The following TMEM242 variants were observed in gnomAD, a reference collection of about 807,000 sequenced individuals.
The protein encoded by TMEM242 is UPF0463 transmembrane protein C6orf35.
In TMEM242, 10 loss-of-function variants were observed where a neutral mutation model predicts 18.2. The observed-to-expected ratio is 0.55, with a 90% confidence interval of 0.34 to 0.93. The LOEUF (loss-of-function observed/expected upper bound fraction) is 0.93. Among genes scored for constraint, TMEM242 ranks in the 40% least tolerant of loss-of-function variants. TMEM242 has a pLI of 0.02. For missense variants in TMEM242, 186 were observed against 175.5 expected (o/e 1.06, Z -0.34); for synonymous variants, 57 against 69.9 (o/e 0.81, Z 0.92).
intron 3 of TMEM242, among the ~76,000 whole-genome samples, chr6:157,311,535 C>T (rs1778099546): frequency 7.8e-6 from 1 of 128,622 alleles, no homozygotes; most frequent in South Asian, 2.8e-4. Flanking sequence ...CAACCGGCCT[C>T]ATCATAGTGT....
chr6:157,290,577 C>G lies in TMEM242; in HGVS notation c.*2324G>C, dbSNP rs587656880. On this transcript the variant is annotated 3_prime_UTR_variant, in exon 4 of 4. Transcript: ENST00000400788. ...TACGTCTCATAAAGAATAACATTAT[C>G]TGTTCAACATTTTTCCTTTCCATTA... The G allele has an allele frequency of 6.6e-6, 1 of 152,208 alleles. No individual in the cohort carries two copies. Among genetic ancestry groups the G allele is most frequent in the Non-Finnish European group, 1.5e-5 (1 of 68,048 alleles). The allele number at this position is 152,208 out of a possible 1,614,324, so 9.4% of individuals were successfully genotyped here. A position where few individuals can be genotyped will look rare whatever the true frequency, so the allele number is the denominator to read the frequency against.
chr6:157,318,613 G>C lies in TMEM242; in HGVS notation c.327+169C>G, dbSNP rs955708102. The C allele has an allele frequency of 5.0e-5, 33 of 660,454 alleles. 1 individual carries two copies. The South Asian group carries it at 7.2e-4, about 14-fold the overall frequency. 40.9% of individuals were successfully genotyped at this position (660,454 alleles called of 1,614,324 possible). A position where few individuals can be genotyped will look rare whatever the true frequency, so the allele number is the denominator to read the frequency against. On this transcript the variant is annotated intron_variant, in intron 3 of 3. Transcript: ENST00000400788. ...CCACCTTCAAAAATTGTATTTATTA[G>C]TAATAAGAAGTTGTCTAGTTATTTG...
chr6:157,312,943 C>G (rs1554249536), intron 3 of TMEM242, among the ~76,000 whole-genome samples: 65 of 135,006 alleles, frequency 4.8e-4, no homozygotes, highest in Non-Finnish European at 1.5e-4. Flanking sequence ...CCCCAGTGTG[C>G]GCTCACCCGG....
intron 3 of TMEM242, among the ~76,000 whole-genome samples, chr6:157,314,927 T>C (rs1285513078): frequency 6.6e-6 from 1 of 152,230 alleles, no homozygotes; most frequent in Non-Finnish European, 1.5e-5. Context: ...AGGTTAACCA[T>C]TAGATGGCAC....
chr6:157,307,022 A>G (rs1244833436), intron 3 of TMEM242, among the ~76,000 whole-genome samples: 1 of 152,244 alleles, frequency 6.6e-6, no homozygotes, highest in African/African-American at 2.4e-5. Flanking sequence ...GAATACTTAC[A>G]AACTGTACAT....
At chr6:157,313,737 T>C (rs1778300950) in intron 3 of TMEM242, among the ~76,000 whole-genome samples, 1 of 108,550 alleles carries the variant, frequency 9.2e-6, no homozygotes, top group Non-Finnish European at 2.0e-5. Context: ...TCACCCGGCC[T>C]CATCACAGTG....
intron 3 of TMEM242, among the ~76,000 whole-genome samples, chr6:157,311,433 CATCAT>C: frequency 7.7e-6 from 1 of 129,376 alleles, no homozygotes; most frequent in African/African-American, 2.8e-5. Context: ...CATACGGCCT[CATCAT>C]AGTGTCCCAG....
At chr6:157,303,923 G>A (rs1170498279) in intron 3 of TMEM242, among the ~76,000 whole-genome samples, 3 of 152,002 alleles carry the variant, frequency 2.0e-5, no homozygotes, top group Admixed American at 1.3e-4. Context: ...GACAAATAGA[G>A]GGCCACAAAG....
chr6:157,323,395 A>G lies in TMEM242; in HGVS notation c.88+17T>C. 1.2e-6 allele frequency: 2 copies of G among 1,612,938 alleles called. No homozygotes were observed. The highest frequency in any genetic ancestry group is 3.3e-4 in the Middle Eastern group (2 of 6,052). On this transcript the variant is annotated intron_variant, in intron 1 of 3. Coordinates refer to ENST00000400788, the MANE Select transcript of TMEM242 (RefSeq NM_018452.6). ...TAACTCACCCCGACGCCCGCACCTC[A>G]CCACAGCACATCTTACCTTTAACCA...
At chr6:157,310,606 C>G (rs1554248339) in intron 3 of TMEM242, among the ~76,000 whole-genome samples, 3 of 142,078 alleles carry the variant, frequency 2.1e-5, no homozygotes, top group Non-Finnish European at 4.7e-5. Flanking sequence ...CATAGTGCCC[C>G]AGTGTGCCCT....
intron 3 of TMEM242, among the ~76,000 whole-genome samples, chr6:157,293,804 C>G (rs1554247012): frequency 6.6e-6 from 1 of 151,928 alleles, no homozygotes; most frequent in African/African-American, 2.4e-5. Flanking sequence ...ACAATCATGG[C>G]TAACTGCAGC....
intron 2 of TMEM242, among the ~76,000 whole-genome samples, chr6:157,320,455 A>AT (rs1341712532): frequency 1.3e-5 from 2 of 152,154 alleles, no homozygotes; most frequent in Admixed American, 6.5e-5. Context: ...AATGTTTTAC[A>AT]TTTTTGTTAG....
intron 3 of TMEM242, chr6:157,300,198 A>C (rs1777809048): frequency 4.3e-6 from 2 of 463,964 alleles, no homozygotes; most frequent in South Asian, 2.1e-5. Flanking sequence ...ACGCCAAGAG[A>C]GCCATTAGCA....
At chr6:157,310,064 A>G (rs1447646386) in intron 3 of TMEM242, among the ~76,000 whole-genome samples, 1 of 152,214 alleles carries the variant, frequency 6.6e-6, no homozygotes, top group East Asian at 1.9e-4. Flanking sequence ...GGAATTATTT[A>G]GATATTTAAT....
At chr6:157,301,836 G>A (rs781893843) in intron 3 of TMEM242, among the ~76,000 whole-genome samples, 16 of 152,146 alleles carry the variant, frequency 1.1e-4, no homozygotes, top group Non-Finnish European at 2.2e-4. Context: ...GGAGGCAGAG[G>A]CATGAGAATT....
At chr6:157,300,062 A>T in intron 3 of TMEM242, 2 of 773,056 alleles carry the variant, frequency 2.6e-6, no homozygotes, top group South Asian at 3.1e-5. Context: ...ACACAGGGAC[A>T]GGAAATTCGC....
intron 3 of TMEM242, among the ~76,000 whole-genome samples, chr6:157,301,295 C>G (rs1407569124): frequency 6.6e-6 from 1 of 151,776 alleles, no homozygotes; most frequent in African/African-American, 2.4e-5. Context: ...AAAATGAATA[C>G]TTTATATTTG....
intron 3 of TMEM242, among the ~76,000 whole-genome samples, chr6:157,310,253 T>G (rs1376798464): frequency 1.3e-5 from 2 of 152,180 alleles, no homozygotes; most frequent in African/African-American, 4.8e-5. Context: ...CTTCTTTTTC[T>G]TCTTTGATAG....
At chr6:157,311,284 A>G (rs1202272757) in intron 3 of TMEM242, among the ~76,000 whole-genome samples, 16 of 4,012 alleles carry the variant, frequency 4.0e-3, no homozygotes, top group South Asian at 0.016. Flanking sequence ...CCCCGTGTGC[A>G]CACACCGAGC....
Sources: gnomAD v4.1 joint callset for allele counts (sites outside exome capture counted in the v4.1 genomes callset) on GRCh38, gnomAD v4.1.1 for gene constraint, MANE v1.5 for transcripts, NCBI Gene and HGNC (gene_info 2026-07-23, HGNC 2026-07-21) for gene names.